Variants in CHFR observed in about 807,000 individuals in gnomAD.
CHFR encodes E3 ubiquitin-protein ligase CHFR.
A neutral mutation model predicts 87.6 loss-of-function variants in CHFR; 57 were observed. The ratio of observed to expected loss-of-function variants is 0.65; its 90% confidence interval spans 0.53 to 0.81. The LOEUF (loss-of-function observed/expected upper bound fraction) is 0.81. Ranked by LOEUF, CHFR falls within the 30% of genes least tolerant of loss-of-function variation. The pLI, the probability that CHFR is intolerant of heterozygous loss-of-function variation, is 0.00. For synonymous variants in CHFR, 381 were observed against 359.2 expected, an observed-to-expected ratio of 1.06 and a Z score of -0.69; for missense variants, 797 against 865.8, an observed-to-expected ratio of 0.92 and a Z score of 1.00.
intron 7 of CHFR, among the ~76,000 whole-genome samples, chr12:132,860,280 CT>C (rs34182770): frequency 0.2 from 31,159 of 152,148 alleles, 4,113 homozygotes; most frequent in Non-Finnish European, 0.3. Flanking sequence ...TGAGACACCC[CT>C]GCCAACATTA....
chr12:132,873,996 C>T (rs1389071074), intron 3 of CHFR, among the ~76,000 whole-genome samples: 1 of 152,208 alleles, frequency 6.6e-6, no homozygotes, highest in Non-Finnish European at 1.5e-5. Flanking sequence ...ACACGTGGTT[C>T]CTTCTGCCTG....
chr12:132,885,820 C>T (rs1287895814), intron 2 of CHFR, among the ~76,000 whole-genome samples: 1 of 152,204 alleles, frequency 6.6e-6, no homozygotes, highest in African/African-American at 2.4e-5. Context: ...TGGAAACCCA[C>T]ATAATTTGTC....
At position 132,845,229 on chromosome 12, in the gene CHFR, G is replaced by A. The variant is rs576197670; in HGVS notation, c.1736-1095C>T. The stretch of plus-strand genomic sequence containing the variant: ...CCAGCACTTTGGGAGGCCGAGGCAG[G>A]CGGATCACAAGGTCAGGAGTTCGAG... On this transcript the variant is annotated intron_variant, in intron 15 of 17. Coordinates refer to ENST00000450056, the MANE Select transcript of CHFR (RefSeq NM_001161346.2). Among the ~76,000 whole-genome samples, 21 of 152,068 alleles carry A rather than the reference G, an allele frequency of 1.4e-4. No homozygotes were observed. The South Asian group carries it at 4.4e-3, about 32-fold the overall frequency.
intron 2 of CHFR, among the ~76,000 whole-genome samples, chr12:132,886,917 T>C (rs924574423): frequency 1.3e-5 from 2 of 152,238 alleles, no homozygotes; most frequent in African/African-American, 4.8e-5. Context: ...TCCATTACAG[T>C]CAGAAAAGAT....
At chr12:132,879,952 TG>T (rs1190111835) in intron 2 of CHFR, among the ~76,000 whole-genome samples, 1 of 152,160 alleles carries the variant, frequency 6.6e-6, no homozygotes, top group Non-Finnish European at 1.5e-5. Context: ...GACCTATGGG[TG>T]TGTGAATCAG....
chr12:132,850,529 G>T (rs1367537081), intron 12 of CHFR, among the ~76,000 whole-genome samples: 1 of 152,162 alleles, frequency 6.6e-6, no homozygotes, highest in Non-Finnish European at 1.5e-5. Context: ...GCCTGCCGTG[G>T]ATGACCCCCG....
At position 132,836,746 on chromosome 12, in the gene CHFR, G is replaced by C. The variant is rs1220437346; in HGVS notation, c.*4808C>G. ...ACAACCGTGAAAAGTGAGCGACAGA[G>C]GAAGGGGCGCCTGTTTGTGCCGCGG... On this transcript the variant is annotated 3_prime_UTR_variant, in exon 18 of 18. Transcript: ENST00000450056. The C allele has an allele frequency of 1.3e-5, 6 of 456,002 alleles. No individual in the cohort carries two copies. Among genetic ancestry groups the C allele is most frequent in the Non-Finnish European group, 2.6e-5 (6 of 226,818 alleles). The allele number at this position is 456,002 out of a possible 1,614,324, so 28.2% of individuals were successfully genotyped here. A position where few individuals can be genotyped will look rare whatever the true frequency, so the allele number is the denominator to read the frequency against.
At chr12:132,870,833 G>T in intron 4 of CHFR, 50 bp from the exon 5 acceptor site, 2 of 1,193,892 alleles carry the variant, frequency 1.7e-6, no homozygotes, top group South Asian at 1.3e-5. Flanking sequence ...TGTGCAAACT[G>T]AGAACTCATT....
rs1951703498 is a variant in CHFR at position 132,879,017 on chromosome 12, T to G, written c.134-1363A>C. Among the ~76,000 whole-genome samples the G allele has an allele frequency of 2.7e-5, 4 of 148,918 alleles. No homozygotes were observed. In the South Asian group the frequency reaches 8.7e-4, roughly 32 times the overall value. On this transcript the variant is annotated intron_variant, in intron 2 of 17. Transcript: ENST00000450056. ...TTTTTTTGTTTTTGTTTGTTTTTTT[T>G]TTTTTGAGATGGAGTCTCGCACTGT... is the stretch of plus-strand genomic sequence containing the variant.
rs1428247842 is a variant in CHFR, at chr12:132,878,819, C to CA, written c.134-1166dup. Among the ~76,000 whole-genome samples, 356 of 58,568 alleles carry CA rather than the reference C, an allele frequency of 6.1e-3. 3 individuals carry two copies. Among genetic ancestry groups the CA allele is most frequent in the East Asian group, 0.015 (28 of 1,810 alleles). The allele number at this position is 58,568 out of a possible 152,430, so 38.4% of individuals were successfully genotyped here. A position where few individuals can be genotyped will look rare whatever the true frequency, so the allele number is the denominator to read the frequency against. ...TGGGTGACAGAGCAAGACTCTGTCT[C>CA]AAAAAAAAAAAAAGAAAAAAAAAAA... On this transcript the variant is annotated intron_variant, in intron 2 of 17. Transcript: ENST00000450056.
At chr12:132,842,728 C>G (rs1199743855) in intron 17 of CHFR, among the ~76,000 whole-genome samples, 1 of 152,248 alleles carries the variant, frequency 6.6e-6, no homozygotes, top group African/African-American at 2.4e-5. Flanking sequence ...GTGACTGCAG[C>G]CTTCGACTTA....
rs1951153534 is a variant in CHFR at position 132,859,102 on chromosome 12, T to C, written c.877A>G (p.Ile293Val). Residue 293 changes from isoleucine to valine, a missense_variant, in exon 8 of 18, where the codon ATC becomes GTC. Physicochemically the swap from Ile to Val is conservative, Grantham distance 29 (BLOSUM62 3). Around this residue, in one of 2 missense-constraint regions of CHFR, gnomAD observed 597 missense variants for 601.2 expected, o/e 0.99. Coordinates refer to ENST00000450056, the MANE Select transcript of CHFR (RefSeq NM_001161346.2). ...TCGTGCAGCAGGTCCTGGCAGATGA[T>C]GCATGTCAGCGTCTCCTCCATCTTG... ...PDKMEETLTCIICQDLLHDCV... is the reference protein window; with the variant it reads ...PDKMEETLTCVICQDLLHDCV... 3.7e-6 allele frequency: 6 copies of C among 1,613,948 alleles called. No homozygotes were observed. Among genetic ancestry groups the C allele is most frequent in the Non-Finnish European group, 5.1e-6 (6 of 1,179,980 alleles).
chr12:132,875,063 G>A (rs1286775556), intron 3 of CHFR, among the ~76,000 whole-genome samples: 1 of 152,036 alleles, frequency 6.6e-6, no homozygotes, highest in Non-Finnish European at 1.5e-5. Flanking sequence ...ACCCAGCATG[G>A]GGAAGCCAGG....
At chr12:132,858,838 G>C (rs71452542) in intron 8 of CHFR, among the ~76,000 whole-genome samples, 2 of 140,806 alleles carry the variant, frequency 1.4e-5, no homozygotes, top group African/African-American at 5.3e-5. Context: ...CAGCAACTCA[G>C]AAGGCTGAGG....
intron 14 of CHFR, 168 bp from the exon 15 acceptor site, chr12:132,847,298 G>T: frequency 1.5e-6 from 2 of 1,372,892 alleles, no homozygotes; most frequent in Non-Finnish European, 9.5e-7. Flanking sequence ...CCTGCAGCAC[G>T]AGAAGTCTTG....
At chr12:132,877,851 G>A (rs1951665185) in intron 2 of CHFR, among the ~76,000 whole-genome samples, 197 bp from the exon 3 acceptor site, 1 of 151,780 alleles carries the variant, frequency 6.6e-6, no homozygotes, top group African/African-American at 2.4e-5. Flanking sequence ...CGCCCAGGCT[G>A]GAGTGCAGTG....
Position 132,869,708 on chromosome 12 carries a change from G to A in CHFR, c.494C>T (p.Pro165Leu), listed in dbSNP as rs1951440283. 6.4e-7 allele frequency: 1 copy of A among 1,551,730 alleles called. No homozygotes were observed. Among genetic ancestry groups the A allele is most frequent in the Non-Finnish European group, 8.7e-7 (1 of 1,147,004 alleles). Residue 165 changes from proline to leucine, a missense_variant, in exon 6 of 18, where the codon CCA becomes CTA. Around this residue, in one of 2 missense-constraint regions of CHFR, gnomAD observed 597 missense variants for 601.2 expected, o/e 0.99. Coordinates refer to ENST00000450056, the MANE Select transcript of CHFR (RefSeq NM_001161346.2). ...GAAGAGGTCTGACGTCGATGTTGAT[G>A]GCTGTGGTTCCTCAAAGCACACCTG... is the stretch of plus-strand genomic sequence containing the variant. The part of the protein sequence containing the change: ...ATQVCFEEPQ[P>L]STSTSDLFPT...
At chr12:132,860,377 A>T (rs1951185453) in intron 7 of CHFR, among the ~76,000 whole-genome samples, 1 of 152,234 alleles carries the variant, frequency 6.6e-6, no homozygotes, top group Admixed American at 6.5e-5. Flanking sequence ...GTAGTTTACT[A>T]GATTAAGTTG....
At chr12:132,841,882 G>A (rs536305526) in intron 17 of CHFR, among the ~76,000 whole-genome samples, 135 of 152,106 alleles carry the variant, frequency 8.9e-4, no homozygotes, top group Admixed American at 1.8e-3. Flanking sequence ...CGAGGCGGGC[G>A]GATCACTTGA....
Sources: gnomAD v4.1 joint callset for allele counts (sites outside exome capture counted in the v4.1 genomes callset) on GRCh38, gnomAD v4.1.1 for gene constraint, gnomAD v4.1.1 regional missense constraint, MANE v1.5 for transcripts, NCBI Gene and HGNC (gene_info 2026-07-23, HGNC 2026-07-21) for gene names.